The following STYXL1 variants were observed in gnomAD, a reference collection of about 807,000 sequenced individuals.
STYXL1 encodes the protein serine/threonine/tyrosine interacting like 1.
In STYXL1, 32 loss-of-function variants were observed where a neutral mutation model predicts 36.4. The ratio of observed to expected loss-of-function variants is 0.88; its 90% CI spans 0.66 to 1.18. STYXL1 has a LOEUF of 1.18. Among genes scored for constraint, STYXL1 ranks in the 50% most tolerant of loss-of-function variants. The pLI is 0.00. For synonymous variants in STYXL1, 133 were observed against 144.1 expected (o/e 0.92, Z 0.55); for missense variants, 354 against 394.1 (o/e 0.90, Z 0.86).
At chr7:76,002,020 T>C (rs1476735965) in intron 7 of STYXL1, among the ~76,000 whole-genome samples, 2 of 152,106 alleles carry the variant, frequency 1.3e-5, no homozygotes, top group Non-Finnish European at 2.9e-5. Context: ...CACAGCTCAC[T>C]GCAACCTTGA....
intron 1 of STYXL1, among the ~76,000 whole-genome samples, chr7:76,039,747 A>T (rs1796299559): frequency 6.6e-6 from 1 of 152,000 alleles, no homozygotes; most frequent in Non-Finnish European, 1.5e-5. Context: ...TCCCAAGTTC[A>T]AGCAATTCTC....
intron 1 of STYXL1, chr7:76,044,089 CAAT>C (rs1554582826): frequency 3.3e-5 from 5 of 152,274 alleles, no homozygotes; most frequent in Non-Finnish European, 1.5e-5. Flanking sequence ...ATACAGCAGC[CAAT>C]AAGACTGTTG....
chr7:76,041,417 G>C (rs1020361203), intron 1 of STYXL1, among the ~76,000 whole-genome samples: 9 of 152,278 alleles, frequency 5.9e-5, no homozygotes, highest in African/African-American at 1.9e-4. Flanking sequence ...CAAAACTCAT[G>C]CTAAGGCTTG....
intron 1 of STYXL1, among the ~76,000 whole-genome samples, chr7:76,046,808 G>A (rs1301532961): frequency 2.0e-5 from 3 of 151,198 alleles, no homozygotes; most frequent in African/African-American, 4.9e-5. Context: ...ACACCACCAC[G>A]CTGGGCTAAT....
intron 1 of STYXL1, chr7:76,044,057 A>G (rs566494249): frequency 1.3e-4 from 20 of 152,326 alleles, no homozygotes; most frequent in African/African-American, 4.8e-4. Flanking sequence ...AAGTAAAATC[A>G]ATGCCTACCA....
At chr7:76,034,983 T>C (rs1203937553) in intron 1 of STYXL1, among the ~76,000 whole-genome samples, 1 of 130,638 alleles carries the variant, frequency 7.7e-6, no homozygotes, top group East Asian at 1.9e-4. Flanking sequence ...AAATACAGCA[T>C]GGCCGAAATA....
chr7:76,006,998 C>A (rs782149535), intron 5 of STYXL1, among the ~76,000 whole-genome samples: 9 of 152,128 alleles, frequency 5.9e-5, no homozygotes, highest in Non-Finnish European at 1.2e-4. Context: ...AAAAATAATT[C>A]ATGGTTGCAT....
chr7:76,008,600 C>A (rs1045744927), intron 5 of STYXL1, among the ~76,000 whole-genome samples: 1 of 152,320 alleles, frequency 6.6e-6, no homozygotes, highest in Non-Finnish European at 1.5e-5. Context: ...CATGACCCCC[C>A]ACTGCCTGCG....
intron 8 of STYXL1, 55 bp downstream of exon 8, chr7:76,000,835 G>T: frequency 6.6e-7 from 1 of 1,524,176 alleles, no homozygotes; most frequent in South Asian, 1.1e-5. Flanking sequence ...GTTGCGCTCT[G>T]ACCTCACCTC....
intron 7 of STYXL1, among the ~76,000 whole-genome samples, chr7:76,001,997 G>A (rs142620045): frequency 0.015 from 2,299 of 152,004 alleles, 31 homozygotes; most frequent in Non-Finnish European, 0.023. Flanking sequence ...AGGCTGGAAC[G>A]CAGTGGTGTA....
At chr7:76,027,387 A>G (rs1485801819) in intron 3 of STYXL1, among the ~76,000 whole-genome samples, 1 of 151,998 alleles carries the variant, frequency 6.6e-6, no homozygotes, top group African/African-American at 2.4e-5. Flanking sequence ...ATAGCCAATT[A>G]TCTCTAGGGT....
At chr7:76,042,758 C>G (rs1420223689) in intron 1 of STYXL1, among the ~76,000 whole-genome samples, 1 of 152,134 alleles carries the variant, frequency 6.6e-6, no homozygotes. Flanking sequence ...TGATCTCATA[C>G]AATTTCACCT....
At chr7:76,020,173 C>T (rs1226264924) in intron 4 of STYXL1, among the ~76,000 whole-genome samples, 1 of 152,164 alleles carries the variant, frequency 6.6e-6, no homozygotes, top group Non-Finnish European at 1.5e-5. Context: ...AAGGCCTAGC[C>T]TACAGTCCTA....
At chr7:76,005,665 G>GT (rs1183748095) in intron 5 of STYXL1, among the ~76,000 whole-genome samples, 2 of 152,106 alleles carry the variant, frequency 1.3e-5, no homozygotes, top group African/African-American at 4.8e-5. Context: ...CGTGGCAACT[G>GT]TTTACACTTG....
chr7:76,004,644 C>T (rs1031874182), intron 6 of STYXL1, among the ~76,000 whole-genome samples: 2 of 151,656 alleles, frequency 1.3e-5, no homozygotes, highest in East Asian at 3.9e-4. Context: ...GCGGAGGTTG[C>T]AGTGAGCCAA....
At chr7:76,026,374 G>A (rs1370164129) in intron 3 of STYXL1, among the ~76,000 whole-genome samples, 1 of 151,752 alleles carries the variant, frequency 6.6e-6, no homozygotes. Flanking sequence ...CAGCCTCCTG[G>A]ACTCAAGTGA....
chr7:76,030,830 T>C (rs1362085205), intron 1 of STYXL1, among the ~76,000 whole-genome samples: 1 of 97,552 alleles, frequency 1.0e-5, no homozygotes, highest in Non-Finnish European at 1.9e-5. Flanking sequence ...CGGCCAACAA[T>C]GGCAAGACCC....
chr7:76,047,807 C>A lies in STYXL1; in HGVS notation c.-150G>T. 1.2e-6 allele frequency: 1 copy of A among 838,558 alleles called. No homozygotes were observed. The highest frequency in any genetic ancestry group is 2.1e-5 in the South Asian group (1 of 47,876). The allele number at this position is 838,558 out of a possible 1,614,324, so 51.9% of individuals were successfully genotyped here. On this transcript the variant is annotated 5_prime_UTR_variant, in exon 1 of 9. Coordinates refer to ENST00000359697, the MANE Select transcript of STYXL1 (RefSeq NM_001317785.2). The stretch of plus-strand genomic sequence containing the variant: ...CCCTGTCGGAGCCTCTGCCTGGGGC[C>A]CCACCTGGAAAAATGGCTCCTCTAA...
chr7:76,030,187 T>C (rs943789181), intron 2 of STYXL1, among the ~76,000 whole-genome samples: 22 of 151,998 alleles, frequency 1.4e-4, no homozygotes, highest in African/African-American at 5.3e-4. Flanking sequence ...TTAGTAGAGA[T>C]GGGGTTTTGC....
Sources: gnomAD v4.1 joint callset for allele counts (sites outside exome capture counted in the v4.1 genomes callset) on GRCh38, gnomAD v4.1.1 for gene constraint, MANE v1.5 for transcripts, NCBI Gene and HGNC (gene_info 2026-07-23, HGNC 2026-07-21) for gene names.